The following ODAD2 variants were observed in gnomAD, a reference collection of about 807,000 sequenced individuals.
ODAD2 encodes the protein outer dynein arm-docking complex subunit 2.
ODAD2 carries 89 observed loss-of-function variants against 106.8 expected under a neutral mutation model. The observed-to-expected ratio is 0.83, with a 90% confidence interval of 0.70 to 0.99. The LOEUF is 0.99. Among genes scored for constraint, ODAD2 ranks in the 50% least tolerant of loss-of-function variants. The pLI is 0.00. For synonymous variants in ODAD2, 404 were observed against 436.2 expected, an observed-to-expected ratio of 0.93 and a Z score of 0.92; for missense variants, 1,168 against 1,238.5, an observed-to-expected ratio of 0.94 and a Z score of 0.85.
chr10:27,981,454 C>CA lies in ODAD2; in HGVS notation c.936+11dup. 6.7e-7 allele frequency: 1 copy of CA among 1,489,274 alleles called. No individual in the cohort carries two copies. The highest frequency in any genetic ancestry group is 8.9e-7 in the Non-Finnish European group (1 of 1,128,002). The allele number at this position is 1,489,274 out of a possible 1,614,324, so 92.3% of individuals were successfully genotyped here. On this transcript the variant is annotated intron_variant, in intron 7 of 19. Transcript: ENST00000305242. ...AATGCTATGAAAGCTCAAAAGAAACCATAAAACTTACCAATTTAGACATAT... is the reference window on the plus strand; with the variant it reads ...AATGCTATGAAAGCTCAAAAGAAACCAATAAAACTTACCAATTTAGACATAT...
intron 19 of ODAD2, among the ~76,000 whole-genome samples, chr10:27,814,190 C>T (rs1336669036): frequency 6.6e-6 from 1 of 152,086 alleles, no homozygotes; most frequent in Non-Finnish European, 1.5e-5. Context: ...AAGCCAGAGT[C>T]CCTGTGGGTG....
chr10:27,886,741 C>A (rs562322455), intron 17 of ODAD2, among the ~76,000 whole-genome samples: 5 of 151,822 alleles, frequency 3.3e-5, no homozygotes, highest in African/African-American at 1.2e-4. Context: ...GCATTCATAA[C>A]GTAGTGTGTG....
intron 10 of ODAD2, chr10:27,958,984 A>G: frequency 7.7e-7 from 1 of 1,303,614 alleles, no homozygotes; most frequent in South Asian, 1.2e-5. Context: ...TAATGAAATA[A>G]AGATAATGGA....
chr10:27,976,151 T>TA (rs2133045673), intron 7 of ODAD2, among the ~76,000 whole-genome samples: 1 of 152,256 alleles, frequency 6.6e-6, no homozygotes, highest in South Asian at 2.1e-4. Flanking sequence ...TGTAAATGGT[T>TA]AGCATCAAAC....
chr10:27,983,051 T>TGTGGG (rs2133115345), intron 6 of ODAD2, among the ~76,000 whole-genome samples: 1 of 152,354 alleles, frequency 6.6e-6, no homozygotes, highest in East Asian at 1.9e-4. Context: ...TGCTTCCTGC[T>TGTGGG]GGCCCACTGT....
chr10:27,820,711 A>T (rs1478200022), intron 19 of ODAD2, among the ~76,000 whole-genome samples: 1 of 150,788 alleles, frequency 6.6e-6, no homozygotes, highest in African/African-American at 2.5e-5. Flanking sequence ...ACAAGGCTTC[A>T]TTCTATATCC....
chr10:27,924,190 T>C (rs929940747), intron 16 of ODAD2, among the ~76,000 whole-genome samples: 11 of 151,854 alleles, frequency 7.2e-5, no homozygotes, highest in Admixed American at 4.6e-4. Context: ...CTGATCAAAA[T>C]GTAGTATGAG....
At chr10:27,911,997 A>C (rs1385372260) in intron 16 of ODAD2, among the ~76,000 whole-genome samples, 1 of 152,210 alleles carries the variant, frequency 6.6e-6, no homozygotes, top group Non-Finnish European at 1.5e-5. Context: ...TCATACTTGC[A>C]AAATACACGT....
chr10:27,907,500 A>G (rs1843684355), intron 17 of ODAD2, among the ~76,000 whole-genome samples, 163 bp downstream of exon 17: 1 of 152,130 alleles, frequency 6.6e-6, no homozygotes. Flanking sequence ...TGACCAGAAA[A>G]AAAGCAATGC....
At chr10:27,990,290 G>A (rs1850144125) in intron 2 of ODAD2, among the ~76,000 whole-genome samples, 1 of 151,966 alleles carries the variant, frequency 6.6e-6, no homozygotes, top group Admixed American at 6.6e-5. Flanking sequence ...TGGGACTACA[G>A]CCGCACGCCA....
intron 7 of ODAD2, among the ~76,000 whole-genome samples, chr10:27,973,083 A>T (rs941185983): frequency 2.6e-5 from 4 of 152,210 alleles, no homozygotes; most frequent in African/African-American, 9.6e-5. Flanking sequence ...ACTAGAAATT[A>T]GTAAAAGAAA....
intron 19 of ODAD2, among the ~76,000 whole-genome samples, chr10:27,849,267 C>G (rs1839056732): frequency 6.6e-6 from 1 of 152,080 alleles, no homozygotes; most frequent in Admixed American, 6.6e-5. Flanking sequence ...ATGGATGAAG[C>G]TGGAAACCAT....
At chr10:27,982,226 A>C (rs1849597658) in intron 6 of ODAD2, among the ~76,000 whole-genome samples, 3 of 152,128 alleles carry the variant, frequency 2.0e-5, no homozygotes, top group Admixed American at 2.0e-4. Context: ...ATATAACTGC[A>C]GTTTGTTATA....
intron 7 of ODAD2, among the ~76,000 whole-genome samples, chr10:27,977,462 G>A (rs966507710): frequency 2.0e-5 from 3 of 151,880 alleles, no homozygotes; most frequent in African/African-American, 7.3e-5. Flanking sequence ...AGCTACTTGG[G>A]AAGCTGAGGC....
rs1359407550 is a variant in ODAD2, at chr10:27,935,178, A to G, written c.2327T>C (p.Val776Ala). The change falls in exon 16 of 20, where the codon GTG becomes GCG. Residue 776 changes from valine to alanine, a missense_variant. Val to Ala is a moderately conservative substitution (Grantham distance 64). Transcript: ENST00000305242. ...GCAGCATTCTCCCAAGGCCCCAACC[A>G]CATTCACAAGTACTTCTTCAGGCTG... ...TDQPEEVLVN[V>A]VGALGECCQE... 1 of 1,614,046 alleles carries G rather than the reference A, an allele frequency of 6.2e-7. No homozygotes were observed.
At chr10:27,951,443 C>T (rs1388757835) in intron 10 of ODAD2, among the ~76,000 whole-genome samples, 1 of 152,110 alleles carries the variant, frequency 6.6e-6, no homozygotes, top group East Asian at 1.9e-4. Context: ...CAGAAACAAA[C>T]TCTCACGTGT....
chr10:27,870,397 C>A lies in ODAD2; in HGVS notation c.2611-7775G>T, dbSNP rs776311648. Among the ~76,000 whole-genome samples, 35 of 152,006 alleles carry A rather than the reference C, an allele frequency of 2.3e-4. 1 individual carries two copies. The highest frequency in any genetic ancestry group is 4.9e-4 in the Non-Finnish European group (33 of 68,032). On this transcript the variant is annotated intron_variant, in intron 17 of 19. Coordinates refer to ENST00000305242, the MANE Select transcript of ODAD2 (RefSeq NM_018076.5). ...CACTTTAAGTTCTAGGGTACATGTG[C>A]TCAACATGCAGGTTTGTTACATATG...
chr10:27,921,732 G>A (rs1590025792), intron 16 of ODAD2, among the ~76,000 whole-genome samples: 1 of 131,086 alleles, frequency 7.6e-6, no homozygotes, highest in South Asian at 2.3e-4. Flanking sequence ...AAAATCCCCA[G>A]TCCAAAAAAA....
intron 16 of ODAD2, among the ~76,000 whole-genome samples, chr10:27,910,848 T>G (rs561237894): frequency 6.6e-6 from 1 of 152,264 alleles, no homozygotes; most frequent in South Asian, 2.1e-4. Flanking sequence ...GTGCAAACCT[T>G]TGATGAACAA....
Sources: allele counts gnomAD v4.1 joint callset (sites outside exome capture counted in the v4.1 genomes callset), GRCh38; gene constraint gnomAD v4.1.1; transcripts MANE v1.5; gene names NCBI Gene and HGNC (gene_info 2026-07-23, HGNC 2026-07-21).